The following AUH variants were observed in gnomAD, a reference collection of about 807,000 sequenced individuals.
AUH encodes AU RNA binding methylglutaconyl-CoA hydratase.
In AUH, 29 loss-of-function variants were observed where a neutral mutation model predicts 42.3. That is an observed-to-expected ratio of 0.69 (90% CI 0.51 to 0.93). AUH has a LOEUF of 0.93. Ranked by LOEUF, AUH falls within the 40% of genes least tolerant of loss-of-function variation. The pLI, the probability that AUH is intolerant of heterozygous loss-of-function variation, is 0.00. For missense variants in AUH, 452 were observed against 438.1 expected (o/e 1.03, Z -0.28); for synonymous variants, 174 against 166.4 (o/e 1.05, Z -0.35).
chr9:91,230,759 T>G (rs1176336533), intron 6 of AUH, among the ~76,000 whole-genome samples: 3 of 152,184 alleles, frequency 2.0e-5, no homozygotes. Context: ...TGTTTGTTAG[T>G]TTTCCTTCTA....
At chr9:91,324,326 A>AC (rs1227366733) in intron 4 of AUH, among the ~76,000 whole-genome samples, 1 of 151,694 alleles carries the variant, frequency 6.6e-6, no homozygotes, top group East Asian at 1.9e-4. Context: ...TCACAGTGAG[A>AC]CCCCCATCTC....
intron 6 of AUH, among the ~76,000 whole-genome samples, chr9:91,248,115 T>C (rs1474243447): frequency 6.6e-6 from 1 of 152,258 alleles, no homozygotes; most frequent in Non-Finnish European, 1.5e-5. Flanking sequence ...AAGATATTTT[T>C]CCCTGAACTT....
chr9:91,347,366 G>A (rs184466306), intron 3 of AUH, among the ~76,000 whole-genome samples: 15 of 152,190 alleles, frequency 9.9e-5, no homozygotes, highest in Admixed American at 3.3e-4. Flanking sequence ...TCTGAACCCC[G>A]CTGTTTAAGG....
At chr9:91,312,366 G>A (rs1160983570) in intron 4 of AUH, among the ~76,000 whole-genome samples, 1 of 152,168 alleles carries the variant, frequency 6.6e-6, no homozygotes, top group Admixed American at 6.5e-5. Context: ...GGTGAACCCT[G>A]ATTTGTATCA....
At chr9:91,229,635 G>T (rs1243273975) in intron 6 of AUH, among the ~76,000 whole-genome samples, 2 of 151,934 alleles carry the variant, frequency 1.3e-5, no homozygotes, top group East Asian at 3.9e-4. Flanking sequence ...GGTTGATGCA[G>T]TTTCTTCCTA....
At position 91,361,815 on chromosome 9, in the gene AUH, A is replaced by G. The variant is rs1433680710; in HGVS notation, c.75T>C (p.Ala25=). Residue 25 remains alanine, a synonymous_variant, in exon 1 of 10, where the codon GCT becomes GCC. Transcript: ENST00000375731. ...ACCCCGGGCAGAGCCACGCACTGCA[A>G]GCGGCCACCAGGCGGGCGCCGCCAG... is the stretch of plus-strand genomic sequence containing the variant. The part of the protein sequence containing the change: ...LHAGGARLVA[A]CSAWLCPGLR... 7.9e-6 allele frequency: 12 copies of G among 1,512,140 alleles called. No individual in the cohort carries two copies. Among genetic ancestry groups the G allele is most frequent in the African/African-American group, 1.4e-5 (1 of 69,188 alleles). The allele number at this position is 1,512,140 out of a possible 1,614,324, so 93.7% of individuals were successfully genotyped here.
At chr9:91,227,915 G>T (rs1352745222) in intron 6 of AUH, among the ~76,000 whole-genome samples, 1 of 151,852 alleles carries the variant, frequency 6.6e-6, no homozygotes, top group Admixed American at 6.6e-5. Flanking sequence ...ACTTGATCAT[G>T]GTGGATAAGC....
In AUH at chr9:91,293,109, C is replaced by G. The variant is rs1041953329; in HGVS notation, c.655+2912G>C. Among the ~76,000 whole-genome samples the G allele has an allele frequency of 2.0e-5, 3 of 152,206 alleles. No homozygotes were observed. In the East Asian group the frequency reaches 5.8e-4, roughly 29 times the overall value. On this transcript the variant is annotated intron_variant, in intron 6 of 9. Transcript: ENST00000375731. ...GCATGTATTCTGACGGCTCAACCAA[C>G]GGGCTGTTCCCCCATCTCTCTCCCT... is the stretch of plus-strand genomic sequence containing the variant.
intron 6 of AUH, among the ~76,000 whole-genome samples, chr9:91,265,750 G>A (rs1829942093): frequency 1.3e-5 from 2 of 152,222 alleles, no homozygotes; most frequent in South Asian, 2.1e-4. Flanking sequence ...TCTGAATTTC[G>A]TCTCATGTCT....
intron 6 of AUH, among the ~76,000 whole-genome samples, chr9:91,272,467 G>A (rs1825219151): frequency 6.6e-6 from 1 of 152,174 alleles, no homozygotes. Flanking sequence ...AGCACTGTGC[G>A]TTTGCCTTGC....
At chr9:91,282,307 C>T (rs1826031539) in intron 6 of AUH, among the ~76,000 whole-genome samples, 1 of 152,156 alleles carries the variant, frequency 6.6e-6, no homozygotes, top group Admixed American at 6.6e-5. Flanking sequence ...AAACTACAAA[C>T]CCACACTCTC....
intron 3 of AUH, among the ~76,000 whole-genome samples, chr9:91,351,073 G>A (rs1279970314): frequency 6.6e-6 from 1 of 151,704 alleles, no homozygotes. Context: ...AAGCTCATGC[G>A]ACTCTCCCAC....
intron 4 of AUH, among the ~76,000 whole-genome samples, chr9:91,305,057 A>G (rs941676647): frequency 2.0e-5 from 3 of 152,202 alleles, no homozygotes; most frequent in East Asian, 3.8e-4. Context: ...CCATACTAGG[A>G]TATTATTTCC....
intron 3 of AUH, among the ~76,000 whole-genome samples, chr9:91,351,487 T>A (rs1257050000): frequency 1.3e-5 from 2 of 152,196 alleles, no homozygotes; most frequent in Non-Finnish European, 2.9e-5. Context: ...AAAGAGAACA[T>A]CCTGGTAGAG....
Position 91,214,132 on chromosome 9 carries a change from T to C in AUH, c.*216A>G, listed in dbSNP as rs1826689368. ...CTAACTTTGATTCTGTTTCTGACTA[T>C]ACACTACTAGCTTTATAAATCTGAA... On this transcript the variant is annotated 3_prime_UTR_variant, in exon 10 of 10. Transcript: ENST00000375731. 5.8e-6 allele frequency: 3 copies of C among 518,662 alleles called. No homozygotes were observed. In the South Asian group the frequency reaches 6.9e-5, roughly 12 times the overall value. 32.1% of individuals were successfully genotyped at this position (518,662 alleles called of 1,614,324 possible).
chr9:91,236,705 T>C (rs906301933), intron 6 of AUH, among the ~76,000 whole-genome samples: 1 of 152,202 alleles, frequency 6.6e-6, no homozygotes, highest in African/African-American at 2.4e-5. Flanking sequence ...AAGAGATCCC[T>C]GCAGGTGCAG....
rs1587627253 is a variant in AUH at position 91,223,233 on chromosome 9, C to G, written c.656-2241G>C. Among the ~76,000 whole-genome samples, 3 of 152,282 alleles carry G rather than the reference C, an allele frequency of 2.0e-5. No homozygotes were observed. The Middle Eastern group carries it at 0.01, about 518-fold the overall frequency. ...AGGGGAAAACCCTTGGCGTGGCTCA[C>G]CCACTAACACTGCATCCAGGACTTG... is the stretch of plus-strand genomic sequence containing the variant. On this transcript the variant is annotated intron_variant, in intron 6 of 9. Transcript: ENST00000375731.
intron 9 of AUH, among the ~76,000 whole-genome samples, chr9:91,215,270 T>A (rs982970884): frequency 6.6e-6 from 1 of 152,190 alleles, no homozygotes; most frequent in African/African-American, 2.4e-5. Flanking sequence ...TATGCAGTCA[T>A]CCCTCAGTTA....
chr9:91,346,874 AAAC>A (rs1404704590), intron 3 of AUH, among the ~76,000 whole-genome samples: 1 of 152,144 alleles, frequency 6.6e-6, no homozygotes, highest in Admixed American at 6.5e-5. Flanking sequence ...AAAAAAAAAA[AAAC>A]ACTTTATTTA....
Sources: allele counts gnomAD v4.1 joint callset (sites outside exome capture counted in the v4.1 genomes callset), GRCh38; gene constraint gnomAD v4.1.1; transcripts MANE v1.5; gene names NCBI Gene and HGNC (gene_info 2026-07-23, HGNC 2026-07-21).